DPF1: variants seen among roughly 807,000 people sequenced by gnomAD.
The protein encoded by DPF1 is double PHD fingers 1.
DPF1 carries 14 observed loss-of-function variants against 58.7 expected under a neutral mutation model. The observed-to-expected ratio is 0.24, with a 90% CI of 0.16 to 0.37. DPF1 has a LOEUF of 0.37. Among genes scored for constraint, DPF1 ranks in the 10% least tolerant of loss-of-function variants. DPF1 has a pLI of 1.00. For synonymous variants in DPF1, 216 were observed against 216.0 expected, an observed-to-expected ratio of 1.00 and a Z score of 0.00; for missense variants, 345 against 529.9, an observed-to-expected ratio of 0.65 and a Z score of 3.43.
At chr19:38,228,548 GGGGGAGGGGAGCGCCTCGCTCGCCTGC>G (rs1967923846), upstream of DPF1, 1 of 151,558 alleles carries the variant, frequency 6.6e-6, no homozygotes, top group Non-Finnish European at 1.5e-5. Context: ...CCCGGGAGGA[GGGGGAGGGGAGCGCCTCGCTCGCCTGC>G]GGGGAGGGAG....
upstream of DPF1, among the ~76,000 whole-genome samples, chr19:38,226,846 CAG>C (rs1967844720): frequency 6.6e-6 from 1 of 152,132 alleles, no homozygotes; most frequent in African/African-American, 2.4e-5. Flanking sequence ...CTCAGACACG[CAG>C]ACTCACTCCT....
rs1184096758 is a variant in DPF1 at position 38,222,764 on chromosome 19, G to A, written c.30-56C>T. ...TCAGCAAGGGCAGGCGCACAGGGTC[G>A]CCCAGCACCCCTTCCCCGGCTGCCG... On this transcript the variant is annotated intron_variant, in intron 1 of 11. Coordinates refer to ENST00000355526, the MANE Select transcript of DPF1 (RefSeq NM_001135155.3). The surrounding 1 kb of genome is among the most constrained non-coding windows in gnomAD (Gnocchi z 4.9). 1 of 1,476,128 alleles carries A rather than the reference G, an allele frequency of 6.8e-7. No homozygotes were observed. The highest frequency in any genetic ancestry group is 9.0e-7 in the Non-Finnish European group (1 of 1,112,570). 91.4% of individuals were successfully genotyped at this position (1,476,128 alleles called of 1,614,324 possible).
intron 3 of DPF1, chr19:38,219,397 C>G (rs574470248): frequency 1.1e-5 from 3 of 269,408 alleles, no homozygotes; most frequent in South Asian, 1.3e-4. Context: ...TCCAGACACT[C>G]GCAGAGGAGA....
At position 38,211,781 on chromosome 19, in the gene DPF1, C is replaced by T; in HGVS notation, c.*282G>A. On this transcript the variant is annotated 3_prime_UTR_variant, in exon 12 of 12. Coordinates refer to ENST00000355526, the MANE Select transcript of DPF1 (RefSeq NM_001135155.3). This position sits in a 1 kb window ranked among gnomAD's most constrained non-coding sequence, Gnocchi z 4.0. ...GCCCCTGGCTGGCACCCACCACCCC[C>T]CATGCCCGCCCAGAGGCGGGGTATG... 2.0e-6 allele frequency: 1 copy of T among 505,766 alleles called. No individual in the cohort carries two copies. Among genetic ancestry groups the T allele is most frequent in the Non-Finnish European group, 3.5e-6 (1 of 286,366 alleles). 31.3% of individuals were successfully genotyped at this position (505,766 alleles called of 1,614,324 possible).
Position 38,213,713 on chromosome 19 carries a change from G to A in DPF1, c.942C>T (p.Ala314=), listed in dbSNP as rs777983630. 18 of 1,613,816 alleles carry A rather than the reference G, an allele frequency of 1.1e-5. No individual in the cohort carries two copies. Among genetic ancestry groups the A allele is most frequent in the Middle Eastern group, 3.3e-4 (2 of 6,082 alleles). Residue 314 remains alanine (A), a synonymous_variant, in exon 10 of 12, where the codon GCC becomes GCT. Transcript: ENST00000355526. ...TGCACTGCCAGCGGTAGGTCCGCACGGCTGCCGTCATGTTCACCGTGAATT... is the reference window on the plus strand; with the variant it reads ...TGCACTGCCAGCGGTAGGTCCGCACAGCTGCCGTCATGTTCACCGTGAATT... ...CLQFTVNMTA[A]VRTYRWQCIE... is the part of the protein sequence containing the mutation.
upstream of DPF1, chr19:38,224,307 G>T: frequency 7.9e-7 from 1 of 1,260,156 alleles, no homozygotes; most frequent in Non-Finnish European, 1.0e-6. This position sits in a 1 kb window ranked among gnomAD's most constrained non-coding sequence, Gnocchi z 4.5. Context: ...TGCTGGGAGT[G>T]GTAGTCCCAG....
At chr19:38,227,766 C>T (rs150720483), upstream of DPF1, among the ~76,000 whole-genome samples, 1,080 of 152,284 alleles carry the variant, frequency 7.1e-3, 10 homozygotes, top group Non-Finnish European at 6.6e-3. Context: ...ATTCGTGGCT[C>T]AAGCTGGTTT....
At chr19:38,217,980 G>A (rs1967163510) in intron 5 of DPF1, 104 bp from the exon 6 acceptor site, 4 of 1,155,184 alleles carry the variant, frequency 3.5e-6, no homozygotes, top group Non-Finnish European at 5.1e-6. Context: ...GAGGCAGGCG[G>A]ATCACGAGGT....
upstream of DPF1, among the ~76,000 whole-genome samples, chr19:38,226,421 C>G (rs987221395): frequency 5.4e-4 from 81 of 151,036 alleles, no homozygotes; most frequent in Non-Finnish European, 1.1e-3. Flanking sequence ...AGAAGTGGCC[C>G]GCTAGCCTTC....
In DPF1 at chr19:38,222,808, G is replaced by A. The variant is rs1967603786; in HGVS notation, c.30-100C>T. 7.1e-6 allele frequency: 10 copies of A among 1,399,530 alleles called. No individual in the cohort carries two copies. In the Admixed American group the frequency reaches 2.4e-4, roughly 33 times the overall value. 86.7% of individuals were successfully genotyped at this position (1,399,530 alleles called of 1,614,324 possible). A position where few individuals can be genotyped will look rare whatever the true frequency, so the allele number is the denominator to read the frequency against. ...GCTGCCGGGCCGCCCAGGCTCGGGA[G>A]GGGTGGGCCGACCCCTCCAGCCTCA... On this transcript the variant is annotated intron_variant, in intron 1 of 11. Transcript: ENST00000355526. This position sits in a 1 kb window ranked among gnomAD's most constrained non-coding sequence, Gnocchi z 4.9.
chr19:38,223,008 A>C, intron 1 of DPF1: 32 of 385,318 alleles, frequency 8.3e-5, no homozygotes, highest in East Asian at 2.7e-4. Flanking sequence ...CACAACACAA[A>C]TCACACACAG....
Position 38,213,760 on chromosome 19 carries a change from G to T in DPF1, c.899-4C>A. 1.2e-6 allele frequency: 2 copies of T among 1,612,702 alleles called. No individual in the cohort carries two copies. The highest frequency in any genetic ancestry group is 1.7e-6 in the Non-Finnish European group (2 of 1,179,012). ...AATTGTAAACACGAGGGGTGTCCTG[G>T]GGGCCAAGGGGCAGGGGTGCAGTTA... is the stretch of plus-strand genomic sequence containing the variant. On this transcript the variant is annotated splice_region_variant and splice_polypyrimidine_tract_variant and intron_variant, in intron 9 of 11. Transcript: ENST00000355526.
chr19:38,220,084 G>A (rs1967333214), intron 3 of DPF1: 1 of 151,420 alleles, frequency 6.6e-6, no homozygotes, highest in Non-Finnish European at 1.5e-5. Flanking sequence ...AGCTACTCAG[G>A]AGGTTGAGGC....
intron 9 of DPF1, among the ~76,000 whole-genome samples, chr19:38,215,670 G>A (rs1966965214): frequency 6.6e-6 from 1 of 152,168 alleles, no homozygotes; most frequent in Admixed American, 6.5e-5. Context: ...CTGGGCTCAA[G>A]GGAGCCTCCG....
At chr19:38,214,890 C>T (rs1966900902) in intron 9 of DPF1, among the ~76,000 whole-genome samples, 2 of 137,266 alleles carry the variant, frequency 1.5e-5, no homozygotes, top group Non-Finnish European at 3.0e-5. Context: ...GGGTGGAGTG[C>T]AGTGGTGCAA....
chr19:38,222,242 A>G lies in DPF1; in HGVS notation c.298+115T>C. On this transcript the variant is annotated intron_variant, in intron 3 of 11. Coordinates refer to ENST00000355526, the MANE Select transcript of DPF1 (RefSeq NM_001135155.3). This position sits in a 1 kb window ranked among gnomAD's most constrained non-coding sequence, Gnocchi z 4.9. Reference sequence around the variant, plus strand: ...ACACCCGGGACGCACATGGGCAGACAGACACACAGCCAGCCAGGCAGACAC... The same window carrying G: ...ACACCCGGGACGCACATGGGCAGACGGACACACAGCCAGCCAGGCAGACAC... 2 of 932,940 alleles carry G rather than the reference A, an allele frequency of 2.1e-6. No individual in the cohort carries two copies. Among genetic ancestry groups the G allele is most frequent in the Non-Finnish European group, 3.2e-6 (2 of 616,718 alleles). The allele number at this position is 932,940 out of a possible 1,614,324, so 57.8% of individuals were successfully genotyped here.
chr19:38,222,481 G>C lies in DPF1; in HGVS notation c.191-17C>G, dbSNP rs1476823790. The C allele has an allele frequency of 3.2e-6, 5 of 1,581,996 alleles. No individual in the cohort carries two copies. The highest frequency in any genetic ancestry group is 4.3e-6 in the Non-Finnish European group (5 of 1,169,768). On this transcript the variant is annotated splice_polypyrimidine_tract_variant and intron_variant, in intron 2 of 11. Transcript: ENST00000355526. The surrounding 1 kb of genome is among the most constrained non-coding windows in gnomAD (Gnocchi z 4.9). Reference sequence around the variant, plus strand: ...GGGCCAAACCTGGAGAGAGAGGGGGGTGAGAGGGCGGCGGCGGTGGGGCGG... The same window carrying C: ...GGGCCAAACCTGGAGAGAGAGGGGGCTGAGAGGGCGGCGGCGGTGGGGCGG...
chr19:38,214,690 G>T (rs1966883834), intron 9 of DPF1, among the ~76,000 whole-genome samples: 1 of 152,072 alleles, frequency 6.6e-6, no homozygotes, highest in African/African-American at 2.4e-5. Flanking sequence ...TTTGAAACAA[G>T]GTCTCACTCT....
At chr19:38,213,568 T>C (rs1311484582) in intron 10 of DPF1, 76 bp downstream of exon 10, 48 of 1,335,668 alleles carry the variant, frequency 3.6e-5, no homozygotes, top group Non-Finnish European at 4.4e-5. Context: ...AGGCACAGGC[T>C]TTAGGCTTAA....
Sources: gnomAD v4.1 joint callset for allele counts (sites outside exome capture counted in the v4.1 genomes callset) on GRCh38, gnomAD v4.1.1 for gene constraint, Gnocchi (gnomAD v3.1) non-coding constraint, MANE v1.5 for transcripts, NCBI Gene and HGNC (gene_info 2026-07-23, HGNC 2026-07-21) for gene names.